The following FAAH2 variants were observed in gnomAD, a reference collection of about 807,000 sequenced individuals.
FAAH2 encodes the protein fatty-acid amide hydrolase 2.
FAAH2 carries 60 observed loss-of-function variants against 36.9 expected under a neutral mutation model. The ratio of observed to expected loss-of-function variants is 1.63; its 90% confidence interval spans 1.32 to 2.02. FAAH2 has a LOEUF of 2.02. Among genes scored for constraint, FAAH2 ranks in the 30% most tolerant of loss-of-function variants. FAAH2 has a pLI of 0.00. For missense variants in FAAH2, 689 were observed against 397.5 expected, an observed-to-expected ratio of 1.73 and a Z score of -6.23; for synonymous variants, 214 against 143.8, an observed-to-expected ratio of 1.49 and a Z score of -3.49.
At chrX:57,156,539 G>T in the FAAH2 span, among the ~76,000 whole-genome samples, 2 of 111,707 alleles carry the variant, frequency 1.8e-5, no homozygotes, top group African/African-American at 6.5e-5. Flanking sequence ...GGTTTTCCAA[G>T]AATTCAGAGG....
chrX:57,209,161 C>A, the FAAH2 span, among the ~76,000 whole-genome samples: 1 of 111,602 alleles, frequency 9.0e-6, no homozygotes, highest in Non-Finnish European at 1.9e-5. Flanking sequence ...CCTCTTGGTA[C>A]TTTTTCCTTT....
At chrX:57,142,994 T>C in the FAAH2 span, among the ~76,000 whole-genome samples, 1 of 111,609 alleles carries the variant, frequency 9.0e-6, no homozygotes, top group Non-Finnish European at 1.9e-5. Context: ...GTCTGTTGTA[T>C]GTCTTTATCA....
chrX:57,214,997 G>T, the FAAH2 span, among the ~76,000 whole-genome samples: 2 of 108,233 alleles, frequency 1.8e-5, no homozygotes, highest in Non-Finnish European at 3.8e-5. Context: ...TACAGCAAAA[G>T]AAACTAACAT....
intron 8 of FAAH2, among the ~76,000 whole-genome samples, chrX:57,440,736 GT>G: frequency 1.8e-5 from 2 of 111,586 alleles, no homozygotes; most frequent in Middle Eastern, 9.2e-3. Context: ...TTGGCTTTGG[GT>G]TTGGCATAAA....
chrX:57,279,389 G>A, the FAAH2 span, among the ~76,000 whole-genome samples: 1 of 112,129 alleles, frequency 8.9e-6, no homozygotes, highest in African/African-American at 3.2e-5. Context: ...ACTCATAAGT[G>A]GGAGTTGAAC....
At position 57,387,009 on chromosome X, in the gene FAAH2, T is replaced by C. The variant is rs6612796; in HGVS notation, c.996+5980T>C. Among the ~76,000 whole-genome samples, 3,981 of 112,207 alleles carry C rather than the reference T, an allele frequency of 0.035. 513 individuals carry two copies. In the East Asian group the frequency reaches 0.61, roughly 17 times the overall value. On this transcript the variant is annotated intron_variant, in intron 7 of 10. Coordinates refer to ENST00000374900, the MANE Select transcript of FAAH2 (RefSeq NM_174912.4). Reference sequence around the variant, plus strand: ...AGTTTAGAACAGGCTCTAGTGAAGATTGGTGTATGGAATACAAGGATCTAT... The same window carrying C: ...AGTTTAGAACAGGCTCTAGTGAAGACTGGTGTATGGAATACAAGGATCTAT...
At chrX:57,141,897 A>G in the FAAH2 span, among the ~76,000 whole-genome samples, 11 of 110,700 alleles carry the variant, frequency 9.9e-5, no homozygotes, top group African/African-American at 3.0e-4. Context: ...CCCATCATCT[A>G]GGTTTTAAGT....
At chrX:57,202,943 G>T in the FAAH2 span, among the ~76,000 whole-genome samples, 1 of 111,909 alleles carries the variant, frequency 8.9e-6, no homozygotes, top group Non-Finnish European at 1.9e-5. Flanking sequence ...TAGGAATTTT[G>T]CCAGACTAAC....
At chrX:57,479,453 C>G (rs975470207) in intron 10 of FAAH2, among the ~76,000 whole-genome samples, 1 of 111,520 alleles carries the variant, frequency 9.0e-6, no homozygotes, top group Non-Finnish European at 1.9e-5. Context: ...AATTTGACTT[C>G]CTCGTTTCCT....
At chrX:57,395,268 T>A in intron 7 of FAAH2, 1 of 646,832 alleles carries the variant, frequency 1.5e-6, no homozygotes, top group East Asian at 3.9e-5. Flanking sequence ...AAGATTGGAA[T>A]CATCTCTGTT....
At chrX:57,250,624 T>G in the FAAH2 span, among the ~76,000 whole-genome samples, 2 of 110,798 alleles carry the variant, frequency 1.8e-5, 1 homozygote, top group Admixed American at 1.9e-4. Context: ...ACCATTAATA[T>G]ATATAATTTT....
intron 6 of FAAH2, 143 bp downstream of exon 6, chrX:57,378,929 A>G: frequency 4.6e-6 from 3 of 651,947 alleles, no homozygotes; most frequent in Non-Finnish European, 6.8e-6. Flanking sequence ...ATATACTTAT[A>G]TAAGTGGATA....
chrX:57,172,267 A>AT, the FAAH2 span, among the ~76,000 whole-genome samples: 1 of 111,000 alleles, frequency 9.0e-6, no homozygotes, highest in South Asian at 3.8e-4. Context: ...TTTTAAAATT[A>AT]TTTTTTCTAA....
rs781228642 is a variant in FAAH2, at chrX:57,324,683, T to A, written c.413-6915T>A. On this transcript the variant is annotated intron_variant, in intron 3 of 10. Transcript: ENST00000374900. ...TAAGAATGCTTGTGATTTTTGCACATTGATTTTATATCCTGAGACTTTGCT... is the reference window on the plus strand; with the variant it reads ...TAAGAATGCTTGTGATTTTTGCACAATGATTTTATATCCTGAGACTTTGCT... Among the ~76,000 whole-genome samples the A allele has an allele frequency of 3.6e-5, 4 of 112,404 alleles. No homozygotes were observed. In the South Asian group the frequency reaches 1.1e-3, roughly 31 times the overall value.
the FAAH2 span, among the ~76,000 whole-genome samples, chrX:57,249,519 G>A: frequency 8.9e-6 from 1 of 112,132 alleles, no homozygotes; most frequent in Admixed American, 9.5e-5. Context: ...GTTTATAGTT[G>A]CACACGTGCA....
At chrX:57,444,482 T>C (rs1204572052) in intron 8 of FAAH2, among the ~76,000 whole-genome samples, 1 of 111,651 alleles carries the variant, frequency 9.0e-6, no homozygotes, top group Non-Finnish European at 1.9e-5. Context: ...GGTGGGTGTT[T>C]CCTGATTTTC....
chrX:57,349,114 G>GTA (rs1337652006), intron 5 of FAAH2, among the ~76,000 whole-genome samples: 6 of 91,674 alleles, frequency 6.5e-5, no homozygotes, highest in Non-Finnish European at 1.3e-4. Context: ...ATGTATATGT[G>GTA]TATAATATAT....
the FAAH2 span, among the ~76,000 whole-genome samples, chrX:57,194,066 T>A: frequency 8.9e-6 from 1 of 111,843 alleles, no homozygotes; most frequent in Non-Finnish European, 1.9e-5. Context: ...AATTGCCTCT[T>A]CTTCCATATT....
chrX:57,301,901 C>A, intron 2 of FAAH2, among the ~76,000 whole-genome samples: 1 of 111,799 alleles, frequency 8.9e-6, no homozygotes, highest in East Asian at 2.8e-4. Flanking sequence ...TGTGTTTAGA[C>A]AATGTTTGTT....
Sources: allele counts gnomAD v4.1 joint callset (sites outside exome capture counted in the v4.1 genomes callset), GRCh38; gene constraint gnomAD v4.1.1; transcripts MANE v1.5; gene names NCBI Gene and HGNC (gene_info 2026-07-23, HGNC 2026-07-21).